Variants in CDH19 observed in about 807,000 individuals in gnomAD.
CDH19 encodes the protein cadherin 19, also known as cadherin-19.
In CDH19, 67 loss-of-function variants were observed where a neutral mutation model predicts 64.2. The observed-to-expected ratio is 1.04, with a 90% CI of 0.86 to 1.28. The LOEUF is 1.28. Among genes scored for constraint, CDH19 ranks in the 50% most tolerant of loss-of-function variants. CDH19 has a pLI of 0.00. For synonymous variants in CDH19, 346 were observed against 319.3 expected, an observed-to-expected ratio of 1.08 and a Z score of -0.89; for missense variants, 1,030 against 929.0, an observed-to-expected ratio of 1.11 and a Z score of -1.41.
intron 1 of CDH19, among the ~76,000 whole-genome samples, chr18:66,581,460 T>A (rs955473222): frequency 2.0e-5 from 3 of 152,042 alleles, no homozygotes; most frequent in Admixed American, 6.6e-5. Flanking sequence ...GAGATTAACA[T>A]TAGAGTCAGT....
intron 5 of CDH19, among the ~76,000 whole-genome samples, chr18:66,548,254 TATATA>T (rs1211020054): frequency 1.1e-5 from 1 of 87,608 alleles, no homozygotes; most frequent in African/African-American, 5.6e-5. Flanking sequence ...TTTATATATA[TATATA>T]TATTTTTTTA....
chr18:66,530,958 C>T lies in CDH19; in HGVS notation c.1337-992G>A, dbSNP rs139207810. ...AGCCAAATGGCCTGTAGTGGAGACACGCCGCGTTATCATAATGTTCACACA... is the reference window on the plus strand; with the variant it reads ...AGCCAAATGGCCTGTAGTGGAGACATGCCGCGTTATCATAATGTTCACACA... On this transcript the variant is annotated intron_variant, in intron 8 of 11. Coordinates refer to ENST00000262150, the MANE Select transcript of CDH19 (RefSeq NM_021153.4). Among the ~76,000 whole-genome samples the T allele has an allele frequency of 1.9e-3, 293 of 152,162 alleles. 1 individual carries two copies. Among genetic ancestry groups the T allele is most frequent in the Middle Eastern group, 0.014 (4 of 292 alleles).
intron 3 of CDH19, among the ~76,000 whole-genome samples, chr18:66,562,578 C>G (rs1007800739): frequency 2.2e-4 from 33 of 152,070 alleles, no homozygotes; most frequent in African/African-American, 8.0e-4. Flanking sequence ...CAGTCTGTGG[C>G]CTGGTTGTTG....
chr18:66,529,823 G>A, intron 9 of CDH19, 22 bp downstream of exon 9: 1 of 1,506,474 alleles, frequency 6.6e-7, no homozygotes, highest in Non-Finnish European at 8.9e-7. Context: ...TTTAGACTTT[G>A]TAATTTATAA....
At chr18:66,541,591 C>T (rs1568187324) in intron 7 of CDH19, among the ~76,000 whole-genome samples, 1 of 151,956 alleles carries the variant, frequency 6.6e-6, no homozygotes, top group Non-Finnish European at 1.5e-5. Context: ...TTTGTTAAAT[C>T]AAGCTATATC....
intron 11 of CDH19, 107 bp from the exon 12 acceptor site, chr18:66,505,409 T>C: frequency 1.2e-6 from 1 of 842,330 alleles, no homozygotes; most frequent in Non-Finnish European, 1.6e-6. Context: ...AACTTTATGA[T>C]TATAAAACAA....
chr18:66,523,308 T>C (rs909481572), intron 9 of CDH19, among the ~76,000 whole-genome samples: 1 of 152,040 alleles, frequency 6.6e-6, no homozygotes, highest in Non-Finnish European at 1.5e-5. Context: ...ATCAGAGCAA[T>C]CATAAAGATG....
chr18:66,547,268 G>T (rs764103168), intron 5 of CDH19, among the ~76,000 whole-genome samples: 5 of 152,070 alleles, frequency 3.3e-5, no homozygotes, highest in Admixed American at 6.6e-5. Context: ...CTGAGAAAAA[G>T]AAAAGTAGAA....
chr18:66,539,255 T>A (rs373663621), intron 7 of CDH19, among the ~76,000 whole-genome samples: 1 of 152,266 alleles, frequency 6.6e-6, no homozygotes, highest in East Asian at 1.9e-4. Context: ...CCAGCTTGTA[T>A]GTTTTTATTT....
Position 66,504,731 on chromosome 18 carries a change from G to A in CDH19, c.*81C>T, listed in dbSNP as rs887365044. On this transcript the variant is annotated 3_prime_UTR_variant, in exon 12 of 12. Coordinates refer to ENST00000262150, the MANE Select transcript of CDH19 (RefSeq NM_021153.4). The stretch of plus-strand genomic sequence containing the variant: ...AGACTAGGGCTTTCCCCGCCATAGA[G>A]CCAGGGCACAAAACTCTTTAAGACT... 3.5e-6 allele frequency: 5 copies of A among 1,427,106 alleles called. No homozygotes were observed. The African/African-American group carries it at 7.2e-5, about 20-fold the overall frequency. 88.4% of individuals were successfully genotyped at this position (1,427,106 alleles called of 1,614,324 possible).
chr18:66,527,427 G>T (rs193064542), intron 9 of CDH19, among the ~76,000 whole-genome samples: 218 of 152,064 alleles, frequency 1.4e-3, no homozygotes, highest in African/African-American at 4.6e-3. Flanking sequence ...CATAAATCTA[G>T]TAATATATTG....
At chr18:66,538,563 G>A (rs746020831) in intron 7 of CDH19, among the ~76,000 whole-genome samples, 10 of 151,860 alleles carry the variant, frequency 6.6e-5, no homozygotes, top group Admixed American at 1.3e-4. Context: ...TCCAGTTATT[G>A]GAGATCATGT....
At chr18:66,592,811 A>G (rs2144631260) in intron 1 of CDH19, among the ~76,000 whole-genome samples, 1 of 151,946 alleles carries the variant, frequency 6.6e-6, no homozygotes, top group African/African-American at 2.4e-5. Flanking sequence ...GTTTTCTTCC[A>G]TATATTGGCT....
In CDH19 at chr18:66,509,002, G is replaced by T; in HGVS notation, c.1821C>A (p.Ile607=). The T allele has an allele frequency of 1.2e-6, 2 of 1,606,202 alleles. No homozygotes were observed. Among genetic ancestry groups the T allele is most frequent in the Non-Finnish European group, 1.7e-6 (2 of 1,173,686 alleles). The change falls in exon 11 of 12, where the codon ATC becomes ATA. Residue 607 remains isoleucine, a synonymous_variant. Transcript: ENST00000262150. ...ATGATGACTTCTACCTACCAAATAT[G>T]ATCATAATGCAAATGAGAATAGCAA... ...VIIAILICIM[I]IFGFIFLTLG...
At chr18:66,512,390 A>T (rs888135187) in intron 9 of CDH19, among the ~76,000 whole-genome samples, 3 of 151,590 alleles carry the variant, frequency 2.0e-5, no homozygotes, top group African/African-American at 7.2e-5. Flanking sequence ...TGCTGTCAAG[A>T]TCACATAGTG....
At chr18:66,591,211 A>C (rs1484413009) in intron 1 of CDH19, among the ~76,000 whole-genome samples, 1 of 151,912 alleles carries the variant, frequency 6.6e-6, no homozygotes, top group African/African-American at 2.4e-5. Flanking sequence ...TGTAGTTAGA[A>C]TATATCAAGT....
At chr18:66,553,792 G>C (rs1987420261) in intron 4 of CDH19, among the ~76,000 whole-genome samples, 1 of 134,066 alleles carries the variant, frequency 7.5e-6, no homozygotes, top group Non-Finnish European at 1.5e-5. Context: ...TTAAAGAAAA[G>C]AGAAAACTGT....
intron 1 of CDH19, among the ~76,000 whole-genome samples, chr18:66,592,845 T>G (rs534858090): frequency 2.6e-5 from 4 of 152,012 alleles, no homozygotes; most frequent in Admixed American, 6.6e-5. Context: ...ATACATATAT[T>G]GCAATACACA....
chr18:66,572,302 G>T lies in CDH19; in HGVS notation c.-98C>A. On this transcript the variant is annotated 5_prime_UTR_variant, in exon 2 of 12. Coordinates refer to ENST00000262150, the MANE Select transcript of CDH19 (RefSeq NM_021153.4). ...CTTTTATAATCTTTTCTGATTCTGT[G>T]TACCTTCTATATACCTAAAGCGTCA... The T allele has an allele frequency of 2.2e-6, 2 of 900,696 alleles. No homozygotes were observed. Among genetic ancestry groups the T allele is most frequent in the Non-Finnish European group, 3.3e-6 (2 of 598,304 alleles). The allele number at this position is 900,696 out of a possible 1,614,324, so 55.8% of individuals were successfully genotyped here. A position where few individuals can be genotyped will look rare whatever the true frequency, so the allele number is the denominator to read the frequency against.
Sources: gnomAD v4.1 joint callset for allele counts (sites outside exome capture counted in the v4.1 genomes callset) on GRCh38, gnomAD v4.1.1 for gene constraint, MANE v1.5 for transcripts, NCBI Gene and HGNC (gene_info 2026-07-23, HGNC 2026-07-21) for gene names.